Variants in BCAT1 observed in about 807,000 individuals in gnomAD.
BCAT1 encodes branched-chain-amino-acid aminotransferase, cytosolic.
BCAT1 carries 48 observed loss-of-function variants against 52.4 expected under a neutral mutation model. The ratio of observed to expected loss-of-function variants is 0.92; its 90% confidence interval spans 0.73 to 1.16. The LOEUF is 1.16. BCAT1 is among the 50% of genes most tolerant of loss of function. The pLI is 0.00. For missense variants in BCAT1, 451 were observed against 457.1 expected (o/e 0.99, Z 0.12); for synonymous variants, 167 against 161.3 (o/e 1.04, Z -0.27).
chr12:24,824,649 T>A (rs1179829623), intron 10 of BCAT1, among the ~76,000 whole-genome samples: 1 of 152,142 alleles, frequency 6.6e-6, no homozygotes, highest in African/African-American at 2.4e-5. Flanking sequence ...GAAATCTTAT[T>A]TGGTGTATTA....
intron 1 of BCAT1, among the ~76,000 whole-genome samples, chr12:24,943,151 TC>T (rs1367111599): frequency 1.3e-5 from 2 of 152,208 alleles, no homozygotes; most frequent in Non-Finnish European, 2.9e-5. Flanking sequence ...AAACTTTGTG[TC>T]TATATGTGTT....
chr12:24,924,968 G>A (rs1041374222), intron 1 of BCAT1, among the ~76,000 whole-genome samples: 3 of 152,224 alleles, frequency 2.0e-5, no homozygotes, highest in East Asian at 1.9e-4. Flanking sequence ...GATAAATGAC[G>A]GATTCAAAAA....
At chr12:24,917,647 A>T (rs1943439401) in intron 1 of BCAT1, among the ~76,000 whole-genome samples, 1 of 152,240 alleles carries the variant, frequency 6.6e-6, no homozygotes, top group Admixed American at 6.5e-5. Flanking sequence ...AAAGCAATTT[A>T]CTGCATATAC....
At chr12:24,927,050 C>T (rs1303939185) in intron 1 of BCAT1, among the ~76,000 whole-genome samples, 1 of 151,964 alleles carries the variant, frequency 6.6e-6, no homozygotes, top group Admixed American at 6.6e-5. Flanking sequence ...AATCTCCAAA[C>T]CCCAGTTCAA....
At chr12:24,946,569 A>G (rs1189394678) in intron 1 of BCAT1, among the ~76,000 whole-genome samples, 1 of 152,222 alleles carries the variant, frequency 6.6e-6, no homozygotes, top group Non-Finnish European at 1.5e-5. Context: ...CAGGAACATA[A>G]TGAGTGAGGC....
In BCAT1 at chr12:24,894,514, C is replaced by G. The variant is rs769118378; in HGVS notation, c.79-39G>C. ...ATCATCACTATTTACAGAAAAGCTA[C>G]TGAGCATTCGCTGGCTAGATTATAC... On this transcript the variant is annotated intron_variant, in intron 2 of 10. Coordinates refer to ENST00000261192, the MANE Select transcript of BCAT1 (RefSeq NM_005504.7). 26 of 1,510,950 alleles carry G rather than the reference C, an allele frequency of 1.7e-5. No individual in the cohort carries two copies. The Admixed American group carries it at 5.0e-4, about 29-fold the overall frequency. 93.6% of individuals were successfully genotyped at this position (1,510,950 alleles called of 1,614,324 possible).
intron 9 of BCAT1, 81 bp downstream of exon 9, chr12:24,832,642 T>C (rs1940721988): frequency 7.0e-7 from 1 of 1,430,268 alleles, no homozygotes; most frequent in South Asian, 1.5e-5. Flanking sequence ...TGGGTCCAGA[T>C]ACAATTTTAT....
intron 3 of BCAT1, among the ~76,000 whole-genome samples, chr12:24,881,949 A>T (rs534518920): frequency 1.6e-3 from 249 of 152,312 alleles, no homozygotes; most frequent in Non-Finnish European, 2.8e-3. Context: ...TCCCTCAATC[A>T]AAGTGCTGTC....
intron 6 of BCAT1, 57 bp from the exon 7 acceptor site, chr12:24,842,281 C>A (rs1941200163): frequency 6.3e-7 from 1 of 1,577,710 alleles, no homozygotes; most frequent in African/African-American, 1.3e-5. Flanking sequence ...ACTCCCTCAT[C>A]TTCTACCCTC....
intron 3 of BCAT1, among the ~76,000 whole-genome samples, chr12:24,892,428 G>C (rs1465709906): frequency 6.6e-6 from 1 of 152,064 alleles, no homozygotes; most frequent in East Asian, 1.9e-4. Flanking sequence ...GTGGTCCCTG[G>C]AGCGACAAAA....
intron 2 of BCAT1, among the ~76,000 whole-genome samples, chr12:24,895,848 C>T (rs532817520): frequency 6.6e-6 from 1 of 152,198 alleles, no homozygotes; most frequent in South Asian, 2.1e-4. Flanking sequence ...AATATTCAGG[C>T]TGAAAACATA....
intron 5 of BCAT1, among the ~76,000 whole-genome samples, chr12:24,861,146 T>C (rs1228844104): frequency 2.0e-5 from 3 of 152,248 alleles, no homozygotes; most frequent in African/African-American, 4.8e-5. Context: ...ATTCATTGTT[T>C]CGAGTTTTTT....
At chr12:24,906,778 A>C (rs1247589690) in intron 1 of BCAT1, among the ~76,000 whole-genome samples, 1 of 152,168 alleles carries the variant, frequency 6.6e-6, no homozygotes. Flanking sequence ...CCTCAAATGC[A>C]TCCAAGTGAT....
chr12:24,900,597 A>G (rs1041835065), intron 2 of BCAT1, among the ~76,000 whole-genome samples: 16 of 152,206 alleles, frequency 1.1e-4, no homozygotes, highest in African/African-American at 3.9e-4. Flanking sequence ...CAAAAAAAAG[A>G]AAAAGAAAGG....
chr12:24,840,845 T>A (rs2139428575), intron 7 of BCAT1, among the ~76,000 whole-genome samples: 1 of 152,364 alleles, frequency 6.6e-6, no homozygotes, highest in Non-Finnish European at 1.5e-5. Context: ...TGAGACTTCA[T>A]AAGTATTTGG....
chr12:24,825,715 T>C (rs1940366895), intron 10 of BCAT1, among the ~76,000 whole-genome samples: 1 of 152,218 alleles, frequency 6.6e-6, no homozygotes, highest in South Asian at 2.1e-4. Context: ...AGATTTTTCC[T>C]ATACAGTTGT....
chr12:24,832,608 G>T, intron 9 of BCAT1, 115 bp downstream of exon 9: 2 of 1,253,066 alleles, frequency 1.6e-6, no homozygotes, highest in Non-Finnish European at 2.2e-6. Flanking sequence ...CAACAACAAC[G>T]ACAAAACTTT....
chr12:24,942,709 A>G (rs1004865785), intron 1 of BCAT1, among the ~76,000 whole-genome samples: 1 of 152,208 alleles, frequency 6.6e-6, no homozygotes, highest in African/African-American at 2.4e-5. Flanking sequence ...TAGGAAGGCT[A>G]GGCACCCCAA....
At chr12:24,938,988 C>T (rs1943810802) in intron 1 of BCAT1, among the ~76,000 whole-genome samples, 1 of 152,150 alleles carries the variant, frequency 6.6e-6, no homozygotes, top group Non-Finnish European at 1.5e-5. Flanking sequence ...AATTATCTGC[C>T]TCAGCCTGCC....
Sources: gnomAD v4.1 joint callset for allele counts (sites outside exome capture counted in the v4.1 genomes callset) on GRCh38, gnomAD v4.1.1 for gene constraint, MANE v1.5 for transcripts, NCBI Gene and HGNC (gene_info 2026-07-23, HGNC 2026-07-21) for gene names.